LRFN5: variants seen among roughly 807,000 people sequenced by gnomAD.
LRFN5 encodes the protein leucine-rich repeat and fibronectin type-III domain-containing protein 5.
LRFN5 carries 24 observed loss-of-function variants against 45.6 expected under a neutral mutation model. That is an observed-to-expected ratio of 0.53 (90% CI 0.38 to 0.74). The LOEUF is 0.74. Among genes scored for constraint, LRFN5 ranks in the 30% least tolerant of loss-of-function variants. LRFN5 has a pLI of 0.00. For missense variants in LRFN5, 776 were observed against 861.5 expected (o/e 0.90, Z 1.24); for synonymous variants, 340 against 313.8 (o/e 1.08, Z -0.88).
At chr14:41,883,360 T>TA (rs11374594) in intron 2 of LRFN5, among the ~76,000 whole-genome samples, 104,714 of 151,994 alleles carry the variant, frequency 0.69, 36,188 homozygotes, top group Middle Eastern at 0.79. Context: ...TAAAATGCAA[T>TA]AAAATATTGC....
intron 1 of LRFN5, among the ~76,000 whole-genome samples, chr14:41,653,392 C>A (rs918694241): frequency 2.0e-5 from 3 of 151,988 alleles, no homozygotes; most frequent in Non-Finnish European, 4.4e-5. Flanking sequence ...CTAGCCAGTT[C>A]TCCCAGCACC....
intron 1 of LRFN5, among the ~76,000 whole-genome samples, chr14:41,686,710 G>A (rs79227923): frequency 0.015 from 2,267 of 152,106 alleles, 12 homozygotes; most frequent in African/African-American, 0.021. Context: ...TGCATCTACC[G>A]AGATAATAAT....
chr14:41,654,777 A>G (rs1039384148), intron 1 of LRFN5, among the ~76,000 whole-genome samples: 1 of 152,092 alleles, frequency 6.6e-6, no homozygotes, highest in Non-Finnish European at 1.5e-5. Context: ...CAGTCTTATA[A>G]AAACAAGTAG....
chr14:41,624,793 TTTA>T (rs1424685336), intron 1 of LRFN5, among the ~76,000 whole-genome samples: 2 of 152,168 alleles, frequency 1.3e-5, no homozygotes, highest in African/African-American at 4.8e-5. Flanking sequence ...TTCTTCACAG[TTTA>T]CCTCTAAGTG....
At chr14:41,858,892 T>C (rs1157509854) in intron 2 of LRFN5, among the ~76,000 whole-genome samples, 1 of 152,200 alleles carries the variant, frequency 6.6e-6, no homozygotes, top group East Asian at 1.9e-4. Flanking sequence ...CTTTGTAGCA[T>C]TGTTCTTTAG....
At chr14:41,710,120 A>G (rs569771944) in intron 1 of LRFN5, among the ~76,000 whole-genome samples, 13 of 152,256 alleles carry the variant, frequency 8.5e-5, no homozygotes, top group African/African-American at 2.9e-4. Context: ...GCTCTTGAAG[A>G]CTGTAGATCA....
chr14:41,878,855 A>C (rs956987070), intron 2 of LRFN5, among the ~76,000 whole-genome samples: 14 of 152,216 alleles, frequency 9.2e-5, no homozygotes, highest in African/African-American at 2.6e-4. Context: ...TTGATTTTTT[A>C]AAAGTGGTTA....
intron 2 of LRFN5, among the ~76,000 whole-genome samples, chr14:41,774,103 A>T (rs979255163): frequency 6.6e-6 from 1 of 152,184 alleles, no homozygotes; most frequent in Non-Finnish European, 1.5e-5. Context: ...TACATTTAGG[A>T]CCAGGAGAGA....
chr14:41,692,587 C>A (rs1882427788), intron 1 of LRFN5, among the ~76,000 whole-genome samples: 1 of 151,994 alleles, frequency 6.6e-6, no homozygotes, highest in African/African-American at 2.4e-5. Context: ...CACAACAGGC[C>A]CCAGTGTGTG....
chr14:41,633,810 A>G (rs1178434655), intron 1 of LRFN5, among the ~76,000 whole-genome samples: 2 of 152,146 alleles, frequency 1.3e-5, no homozygotes, highest in Non-Finnish European at 2.9e-5. Flanking sequence ...GTGCACACCT[A>G]AAATAATGGA....
chr14:41,690,125 C>T (rs1031266307), intron 1 of LRFN5, among the ~76,000 whole-genome samples: 5 of 151,984 alleles, frequency 3.3e-5, no homozygotes, highest in African/African-American at 4.8e-5. Flanking sequence ...ACCTTGAACA[C>T]AGTACTTGCA....
intron 2 of LRFN5, among the ~76,000 whole-genome samples, chr14:41,850,823 C>G (rs929805037): frequency 2.0e-5 from 3 of 151,538 alleles, no homozygotes; most frequent in African/African-American, 7.3e-5. Context: ...GAGACTATTT[C>G]CTGAAAGTTA....
At chr14:41,847,485 A>G (rs1889110085) in intron 2 of LRFN5, among the ~76,000 whole-genome samples, 1 of 152,164 alleles carries the variant, frequency 6.6e-6, no homozygotes, top group African/African-American at 2.4e-5. Context: ...AAAATTGAAC[A>G]TAACTCCTTA....
intron 1 of LRFN5, among the ~76,000 whole-genome samples, chr14:41,621,610 A>G (rs565808873): frequency 8.8e-4 from 134 of 152,190 alleles, no homozygotes; most frequent in African/African-American, 3.1e-3. Context: ...TTAACAGAAT[A>G]TTTTTGGTTT....
At chr14:41,701,200 T>C (rs935273750) in intron 1 of LRFN5, 9 of 152,192 alleles carry the variant, frequency 5.9e-5, no homozygotes, top group Non-Finnish European at 1.3e-4. Context: ...CTAAAGGGAA[T>C]GTTATTTTAT....
chr14:41,623,362 C>T (rs72684563), intron 1 of LRFN5, among the ~76,000 whole-genome samples: 62,211 of 151,896 alleles, frequency 0.41, 14,009 homozygotes, highest in Non-Finnish European at 0.52. Context: ...CGAGGCTTCC[C>T]CAGCCATGCT....
chr14:41,611,061 C>A (rs1887740516), intron 1 of LRFN5, among the ~76,000 whole-genome samples: 3 of 152,150 alleles, frequency 2.0e-5, no homozygotes, highest in Admixed American at 2.0e-4. Context: ...TTTCTTCTGG[C>A]CTTTTCCCAC....
chr14:41,734,484 C>G (rs1884339166), intron 1 of LRFN5, among the ~76,000 whole-genome samples: 1 of 150,610 alleles, frequency 6.6e-6, no homozygotes, highest in Non-Finnish European at 1.5e-5. Context: ...TACCCCTGCT[C>G]TCTTTTGTTT....
At chr14:41,615,138 C>T (rs1887888635) in intron 1 of LRFN5, among the ~76,000 whole-genome samples, 2 of 152,020 alleles carry the variant, frequency 1.3e-5, no homozygotes, top group African/African-American at 4.8e-5. Flanking sequence ...CATATATATT[C>T]AATCTTAAAT....
Sources: gnomAD v4.1 joint callset for allele counts (sites outside exome capture counted in the v4.1 genomes callset) on GRCh38, gnomAD v4.1.1 for gene constraint, MANE v1.5 for transcripts, NCBI Gene and HGNC (gene_info 2026-07-23, HGNC 2026-07-21) for gene names.